ZNF727: variants seen among roughly 807,000 people sequenced by gnomAD.
ZNF727 encodes the protein zinc finger protein 727, also known as putative zinc finger protein 727.
A neutral mutation model predicts 11.5 loss-of-function variants in ZNF727; 11 were observed. The observed-to-expected ratio is 0.95, with a 90% CI of 0.60 to 1.58. ZNF727 has a LOEUF of 1.58. ZNF727 is among the 40% of genes most tolerant of loss of function. The probability of loss-of-function intolerance (pLI) is 0.00; values close to 1 mark genes in which losing one functional copy is unlikely to be tolerated. For missense variants in ZNF727, 533 were observed against 581.7 expected (o/e 0.92, Z 0.86); for synonymous variants, 171 against 196.1 (o/e 0.87, Z 1.07).
At chr7:64,070,184 T>G (rs1789939157) in intron 3 of ZNF727, among the ~76,000 whole-genome samples, 1 of 152,082 alleles carries the variant, frequency 6.6e-6, no homozygotes, top group Non-Finnish European at 1.5e-5. Flanking sequence ...TCTCCCTAAA[T>G]GAAACAAACT....
At position 64,077,824 on chromosome 7, in the gene ZNF727, G is replaced by C; in HGVS notation, c.775G>C (p.Glu259Gln). 2 of 1,567,910 alleles carry C rather than the reference G, an allele frequency of 1.3e-6. No individual in the cohort carries two copies. Among genetic ancestry groups the C allele is most frequent in the Non-Finnish European group, 1.7e-6 (2 of 1,156,208 alleles). The part of the protein sequence containing the change: ...NHTGDRPYKC[E>Q]ECHKAFRCCS... ...TACTGGAGACAGACCCTACAAATGC[G>C]AAGAATGTCACAAAGCCTTTAGGTG... Residue 259 changes from glutamate to glutamine, a missense_variant, in exon 4 of 4, where the codon GAA becomes CAA. By Grantham distance (29) the Glu-to-Gln change is conservative. Coordinates refer to ENST00000456806, the MANE Select transcript of ZNF727 (RefSeq NM_001159522.3).
intron 1 of ZNF727, among the ~76,000 whole-genome samples, chr7:64,067,226 T>A (rs1316769670): frequency 6.6e-6 from 1 of 152,116 alleles, no homozygotes; most frequent in Non-Finnish European, 1.5e-5. Context: ...GAATGGTGAT[T>A]ATTAAAATGT....
At chr7:64,055,899 T>A (rs1789678124) in intron 1 of ZNF727, among the ~76,000 whole-genome samples, 1 of 152,218 alleles carries the variant, frequency 6.6e-6, no homozygotes, top group Non-Finnish European at 1.5e-5. Flanking sequence ...GATCATATAA[T>A]TCTATGTTCT....
chr7:64,055,393 G>T (rs1789667349), intron 1 of ZNF727, among the ~76,000 whole-genome samples: 2 of 148,960 alleles, frequency 1.3e-5, no homozygotes, highest in African/African-American at 4.9e-5. Flanking sequence ...ACTCCAGCCT[G>T]GCAACGGAGT....
At chr7:64,076,311 A>T (rs1785655853) in intron 3 of ZNF727, among the ~76,000 whole-genome samples, 1 of 150,860 alleles carries the variant, frequency 6.6e-6, no homozygotes, top group Admixed American at 6.6e-5. Flanking sequence ...TTTTATTCTT[A>T]ATTGTAAAAA....
At chr7:64,070,494 A>G (rs1789943681) in intron 3 of ZNF727, among the ~76,000 whole-genome samples, 1 of 151,976 alleles carries the variant, frequency 6.6e-6, no homozygotes, top group East Asian at 1.9e-4. Flanking sequence ...TAATACCAGT[A>G]ACGTCAATTT....
Position 64,078,663 on chromosome 7 carries a change from G to A in ZNF727, c.*114G>A. On this transcript the variant is annotated 3_prime_UTR_variant, in exon 4 of 4. Coordinates refer to ENST00000456806, the MANE Select transcript of ZNF727 (RefSeq NM_001159522.3). ...TACTGGAGAGAAACCCTACATTTGT[G>A]AAGAATGTGGCAAAGCCTTTATCCG... is the stretch of plus-strand genomic sequence containing the variant. 7.5e-7 allele frequency: 1 copy of A among 1,334,804 alleles called. No individual in the cohort carries two copies. Among genetic ancestry groups the A allele is most frequent in the Non-Finnish European group, 1.1e-6 (1 of 934,818 alleles). The allele number at this position is 1,334,804 out of a possible 1,614,324, so 82.7% of individuals were successfully genotyped here.
chr7:64,062,144 GAGAA>G (rs1381482917), intron 1 of ZNF727, among the ~76,000 whole-genome samples: 3 of 152,036 alleles, frequency 2.0e-5, no homozygotes, highest in Non-Finnish European at 2.9e-5. Flanking sequence ...TAAGGAGGTA[GAGAA>G]AGAGTTATTT....
chr7:64,082,266 C>T lies in ZNF727; in HGVS notation c.*3717C>T, dbSNP rs1785804930. On this transcript the variant is annotated 3_prime_UTR_variant, in exon 4 of 4. Transcript: ENST00000456806. ...GCAATGATTGGCTAGTGGCCCAGGC[C>T]TGGAGAACTTGCCCAGTGAGAATAT... Among the ~76,000 whole-genome samples, 1 of 152,160 alleles carries T rather than the reference C, an allele frequency of 6.6e-6. No individual in the cohort carries two copies. The highest frequency in any genetic ancestry group is 2.4e-5 in the African/African-American group (1 of 41,438).
intron 1 of ZNF727, among the ~76,000 whole-genome samples, chr7:64,062,279 A>G (rs1789783791): frequency 6.6e-6 from 1 of 151,952 alleles, no homozygotes; most frequent in Non-Finnish European, 1.5e-5. Flanking sequence ...ATTACCAGTG[A>G]GTTTTGTCCC....
At chr7:64,053,655 A>T (rs1407495408) in intron 1 of ZNF727, among the ~76,000 whole-genome samples, 1 of 151,722 alleles carries the variant, frequency 6.6e-6, no homozygotes, top group Non-Finnish European at 1.5e-5. Context: ...GTTCCCCTCC[A>T]CACATTTTTT....
At chr7:64,074,955 T>C (rs1382879780) in intron 3 of ZNF727, among the ~76,000 whole-genome samples, 1 of 152,114 alleles carries the variant, frequency 6.6e-6, no homozygotes, top group Non-Finnish European at 1.5e-5. Context: ...TATATATTTT[T>C]TTCTTTCTTT....
rs199930757 is a variant in ZNF727 at position 64,076,593 on chromosome 7, CA to C, written c.227-673del. ...TGGGCGACAGAGAGAGAATTTGTCT[CA>C]AAAAAAAAATTATGGAGACTTCTTT... On this transcript the variant is annotated intron_variant, in intron 3 of 3. Coordinates refer to ENST00000456806, the MANE Select transcript of ZNF727 (RefSeq NM_001159522.3). 9.5e-4 allele frequency among the ~76,000 whole-genome samples: 141 copies of C among 149,040 alleles called. 1 individual carries two copies. In the East Asian group the frequency reaches 0.025, roughly 26 times the overall value.
At chr7:64,064,330 A>G (rs1289555377) in intron 1 of ZNF727, among the ~76,000 whole-genome samples, 1 of 152,004 alleles carries the variant, frequency 6.6e-6, no homozygotes, top group African/African-American at 2.4e-5. Flanking sequence ...CAGAACTGGT[A>G]CCTTCCCTTC....
intron 1 of ZNF727, among the ~76,000 whole-genome samples, chr7:64,063,109 G>A (rs1789802043): frequency 6.6e-6 from 1 of 151,236 alleles, no homozygotes; most frequent in Non-Finnish European, 1.5e-5. Flanking sequence ...CTCAGGATTT[G>A]CACACTAGTG....
chr7:64,059,428 A>G (rs1183663143), intron 1 of ZNF727, among the ~76,000 whole-genome samples: 2 of 152,214 alleles, frequency 1.3e-5, no homozygotes, highest in African/African-American at 2.4e-5. Flanking sequence ...CGCCTGTAGA[A>G]ATAAGAACTT....
At chr7:64,058,478 G>T (rs1222342562) in intron 1 of ZNF727, among the ~76,000 whole-genome samples, 2 of 152,060 alleles carry the variant, frequency 1.3e-5, no homozygotes, top group Non-Finnish European at 2.9e-5. Flanking sequence ...GGGCCTAGAG[G>T]ACTTTAGACT....
At chr7:64,074,195 C>T (rs1438892515) in intron 3 of ZNF727, among the ~76,000 whole-genome samples, 2 of 152,028 alleles carry the variant, frequency 1.3e-5, no homozygotes, top group African/African-American at 4.8e-5. Flanking sequence ...TGTGAAATGT[C>T]CAAAGGCGAA....
chr7:64,050,364 A>C (rs1405229938), intron 1 of ZNF727, among the ~76,000 whole-genome samples: 1 of 152,106 alleles, frequency 6.6e-6, no homozygotes, highest in Non-Finnish European at 1.5e-5. Flanking sequence ...TTCAGGCCCC[A>C]AAAAAACCTG....
Sources: allele counts gnomAD v4.1 joint callset (sites outside exome capture counted in the v4.1 genomes callset), GRCh38; gene constraint gnomAD v4.1.1; transcripts MANE v1.5; gene names NCBI Gene and HGNC (gene_info 2026-07-23, HGNC 2026-07-21).